Variants in CDC37 observed in about 807,000 individuals in gnomAD.
The protein encoded by CDC37 is cell division cycle 37, HSP90 cochaperone, also known as hsp90 co-chaperone Cdc37.
A neutral mutation model predicts 46.9 loss-of-function variants in CDC37; 9 were observed. The observed-to-expected ratio is 0.19, with a 90% CI of 0.12 to 0.33. The LOEUF is 0.33. Among genes scored for constraint, CDC37 ranks in the 10% least tolerant of loss-of-function variants. The probability of loss-of-function intolerance (pLI) is 1.00; values close to 1 mark genes in which losing one functional copy is unlikely to be tolerated. For missense variants in CDC37, 388 were observed against 514.6 expected, an observed-to-expected ratio of 0.75 and a Z score of 2.38; for synonymous variants, 193 against 191.0, an observed-to-expected ratio of 1.01 and a Z score of -0.09.
At chr19:10,395,722 C>T (rs28382784) in intron 2 of CDC37, 179 bp from the exon 3 acceptor site, 5 of 744,916 alleles carry the variant, frequency 6.7e-6, no homozygotes, top group South Asian at 1.7e-5. Flanking sequence ...AGGAGGGGAC[C>T]GGTGGGGTGT....
chr19:10,391,836 ACT>A, intron 7 of CDC37, 130 bp from the exon 8 acceptor site: 2 of 917,876 alleles, frequency 2.2e-6, no homozygotes, highest in South Asian at 1.7e-5. Flanking sequence ...ACGGAGTCTC[ACT>A]CTGTCACCCA....
At chr19:10,394,959 G>T in intron 5 of CDC37, 62 bp downstream of exon 5, 1 of 1,498,934 alleles carries the variant, frequency 6.7e-7, no homozygotes, top group South Asian at 1.4e-5. Flanking sequence ...CTTACCTAGA[G>T]CATTGTGGGC....
Position 10,391,688 on chromosome 19 carries a change from G to C in CDC37, c.1000C>G (p.Gln334Glu). Residue 334 changes from glutamine (Q) to glutamate (E), a missense_variant, in exon 8 of 8, where the codon CAG (glutamine) becomes GAG (glutamate). Physicochemically the swap from Gln to Glu is conservative, Grantham distance 29 (BLOSUM62 2). Around this residue, in one of 2 missense-constraint regions of CDC37, gnomAD observed 374 missense variants for 467.4 expected, o/e 0.80. Coordinates refer to ENST00000222005, the MANE Select transcript of CDC37 (RefSeq NM_007065.4). ...CAGAGGCCAGAGTCAATGCAGCGCT[G>C]CATGTGGTACTTTGCGTCCTGTGAG... ...MDPTDAKYHM[Q>E]RCIDSGLWVP... 1 of 1,613,656 alleles carries C rather than the reference G, an allele frequency of 6.2e-7. No individual in the cohort carries two copies. The highest frequency in any genetic ancestry group is 1.1e-5 in the South Asian group (1 of 91,066).
rs1387043273 is a variant in CDC37 at position 10,396,006 on chromosome 19, C to T, written c.300G>A (p.Gln100=). The change falls in exon 2 of 8, where the codon CAG becomes CAA. Residue 100 remains glutamine (Q), a synonymous_variant. Transcript: ENST00000222005. This position sits in a 1 kb window ranked among gnomAD's most constrained non-coding sequence, Gnocchi z 5.9. ...CCTTCTTGCGCATCTCCTCCAGCTT[C>T]TGCTCCCAGCTCCGCTCCTCCTTGC... is the stretch of plus-strand genomic sequence containing the variant. ...QLRKEERSWE[Q]KLEEMRKKEK... 6.2e-7 allele frequency: 1 copy of T among 1,612,528 alleles called. No homozygotes were observed. Among genetic ancestry groups the T allele is most frequent in the African/African-American group, 1.3e-5 (1 of 74,704 alleles).
intron 1 of CDC37, among the ~76,000 whole-genome samples, chr19:10,402,992 A>G (rs1486332202): frequency 2.0e-5 from 3 of 152,054 alleles, no homozygotes; most frequent in Non-Finnish European, 4.4e-5. Flanking sequence ...GGAAGTGAAT[A>G]CCCGAATAGG....
intron 1 of CDC37, among the ~76,000 whole-genome samples, chr19:10,402,763 G>A (rs1371842269): frequency 6.6e-6 from 1 of 152,152 alleles, no homozygotes; most frequent in African/African-American, 2.4e-5. Context: ...GGATCCTGAA[G>A]GGGGACGGTT....
chr19:10,395,851 C>A, intron 2 of CDC37, 77 bp downstream of exon 2: 2 of 1,507,340 alleles, frequency 1.3e-6, no homozygotes, highest in South Asian at 1.2e-5. Flanking sequence ...CCTGACCAGG[C>A]ATTGGGTGCG....
chr19:10,399,931 T>TAAAAAAAA (rs56162717), intron 1 of CDC37, among the ~76,000 whole-genome samples: 1 of 48,336 alleles, frequency 2.1e-5, no homozygotes, highest in Non-Finnish European at 3.8e-5. Flanking sequence ...GACTCCGTCT[T>TAAAAAAAA]AAAAAAAAAA....
chr19:10,393,506 G>A lies in CDC37; in HGVS notation c.727-65C>T. 6.7e-7 allele frequency: 1 copy of A among 1,501,360 alleles called. No homozygotes were observed. Among genetic ancestry groups the A allele is most frequent in the South Asian group, 1.3e-5 (1 of 78,192 alleles). 93.0% of individuals were successfully genotyped at this position (1,501,360 alleles called of 1,614,324 possible). On this transcript the variant is annotated intron_variant, in intron 5 of 7. Coordinates refer to ENST00000222005, the MANE Select transcript of CDC37 (RefSeq NM_007065.4). This position sits in a 1 kb window ranked among gnomAD's most constrained non-coding sequence, Gnocchi z 4.9. ...GCTCAGGAGGGACTGGGGGGCCCAG[G>A]ACCCTCCAGCCACAGCTCCTCAGAG...
intron 2 of CDC37, 151 bp downstream of exon 2, chr19:10,395,777 C>G: frequency 2.6e-6 from 1 of 389,758 alleles, no homozygotes; most frequent in Non-Finnish European, 4.8e-6. Context: ...CCCACGTGGC[C>G]CCCGTCCATC....
At chr19:10,400,781 G>C (rs2042514747) in intron 1 of CDC37, 1 of 151,904 alleles carries the variant, frequency 6.6e-6, no homozygotes, top group Non-Finnish European at 1.5e-5. Context: ...TTCTGCCTCA[G>C]TCTCCTGAGT....
chr19:10,391,224 C>A lies in CDC37; in HGVS notation c.*327G>T, dbSNP rs750053253. 62 of 380,554 alleles carry A rather than the reference C, an allele frequency of 1.6e-4. No individual in the cohort carries two copies. Among genetic ancestry groups the A allele is most frequent in the South Asian group, 9.5e-4 (35 of 36,834 alleles). The allele number at this position is 380,554 out of a possible 1,614,324, so 23.6% of individuals were successfully genotyped here. Reference sequence around the variant, plus strand: ...GAACAGTGAAAACAGAGCCCAGTGACGAGAGCCGGCCCCTTGGCTGGGGAC... The same window carrying A: ...GAACAGTGAAAACAGAGCCCAGTGAAGAGAGCCGGCCCCTTGGCTGGGGAC... On this transcript the variant is annotated 3_prime_UTR_variant, in exon 8 of 8. Transcript: ENST00000222005.
At chr19:10,394,086 T>C (rs2042474273) in intron 5 of CDC37, among the ~76,000 whole-genome samples, 1 of 151,408 alleles carries the variant, frequency 6.6e-6, no homozygotes, top group African/African-American at 2.4e-5. Context: ...TGAGACTCCA[T>C]CTCAAAAAAA....
At chr19:10,402,832 A>T (rs2042527016) in intron 1 of CDC37, among the ~76,000 whole-genome samples, 1 of 152,104 alleles carries the variant, frequency 6.6e-6, no homozygotes, top group African/African-American at 2.4e-5. Context: ...AGAGTAGCAC[A>T]GAGTTCCTTG....
rs1302729807 is a variant in CDC37 at position 10,396,019 on chromosome 19, C to T, written c.287G>A (p.Arg96Gln). 7 of 1,613,888 alleles carry T rather than the reference C, an allele frequency of 4.3e-6. No homozygotes were observed. Among genetic ancestry groups the T allele is most frequent in the African/African-American group, 2.7e-5 (2 of 74,910 alleles). The part of the protein sequence containing the change: ...AEAQQLRKEE[R>Q]SWEQKLEEMR... ...CTCCTCCAGCTTCTGCTCCCAGCTCCGCTCCTCCTTGCGCAGCTGCTGTGC... is the reference window on the plus strand; with the variant it reads ...CTCCTCCAGCTTCTGCTCCCAGCTCTGCTCCTCCTTGCGCAGCTGCTGTGC... The change falls in exon 2 of 8, where the codon CGG becomes CAG. Residue 96 changes from arginine (R) to glutamine (Q), a missense_variant. Coordinates refer to ENST00000222005, the MANE Select transcript of CDC37 (RefSeq NM_007065.4). The surrounding 1 kb of genome is among the most constrained non-coding windows in gnomAD (Gnocchi z 5.9).
rs1237116229 is a variant in CDC37, at chr19:10,393,527, C to T, written c.727-86G>A. ...CCAGGACCCTCCAGCCACAGCTCCT[C>T]AGAGGCGCCCCACGGTTCCCCAAGT... On this transcript the variant is annotated intron_variant, in intron 5 of 7. Transcript: ENST00000222005. The surrounding 1 kb of genome is among the most constrained non-coding windows in gnomAD (Gnocchi z 4.9). The T allele has an allele frequency of 1.5e-6, 2 of 1,373,900 alleles. No individual in the cohort carries two copies. The highest frequency in any genetic ancestry group is 2.0e-6 in the Non-Finnish European group (2 of 1,015,772). The allele number at this position is 1,373,900 out of a possible 1,614,324, so 85.1% of individuals were successfully genotyped here. A position where few individuals can be genotyped will look rare whatever the true frequency, so the allele number is the denominator to read the frequency against.
chr19:10,395,171 C>G, intron 4 of CDC37, 28 bp from the exon 5 acceptor site: 2 of 1,610,844 alleles, frequency 1.2e-6, no homozygotes, highest in South Asian at 1.1e-5. Flanking sequence ...CACAGCGTCA[C>G]CAAGTGGCGG....
chr19:10,395,461 T>C lies in CDC37; in HGVS notation c.461A>G (p.Lys154Arg). 1 of 1,614,114 alleles carries C rather than the reference T, an allele frequency of 6.2e-7. No homozygotes were observed. ...AAAGTGCTTGATCTGTTTCTCGTAT[T>C]TTTCCACGAAGGTCTTGTGTTTCTG... ...REQKHKTFVE[K>R]YEKQIKHFGM... is the part of the protein sequence containing the mutation. The change falls in exon 3 of 8, where the codon AAA becomes AGA. Residue 154 changes from lysine to arginine, a missense_variant. Physicochemically the swap from Lys to Arg is conservative, Grantham distance 26. Around this residue, in one of 2 missense-constraint regions of CDC37, gnomAD observed 374 missense variants for 467.4 expected, o/e 0.80. Coordinates refer to ENST00000222005, the MANE Select transcript of CDC37 (RefSeq NM_007065.4).
At position 10,396,132 on chromosome 19, in the gene CDC37, C is replaced by A. The variant is rs761331219; in HGVS notation, c.174G>T (p.Lys58Asn). 6.2e-7 allele frequency: 1 copy of A among 1,614,014 alleles called. No individual in the cohort carries two copies. Among genetic ancestry groups the A allele is most frequent in the Admixed American group, 1.7e-5 (1 of 59,998 alleles). ...TCCTCTGGCACTCGGCCACCTTGCG[C>A]TTGCACTCGCGGCAGCCCCTGTCCA... ...EELDRGCREC[K>N]RKVAECQRKL... The change falls in exon 2 of 8, where the codon AAG (lysine) becomes AAT (asparagine). Residue 58 changes from lysine to asparagine, a missense_variant. Around this residue, in one of 2 missense-constraint regions of CDC37, gnomAD observed 374 missense variants for 467.4 expected, o/e 0.80. Coordinates refer to ENST00000222005, the MANE Select transcript of CDC37 (RefSeq NM_007065.4). The surrounding 1 kb of genome is among the most constrained non-coding windows in gnomAD (Gnocchi z 5.9).
Sources: gnomAD v4.1 joint callset for allele counts (sites outside exome capture counted in the v4.1 genomes callset) on GRCh38, gnomAD v4.1.1 for gene constraint, gnomAD v4.1.1 regional missense constraint, Gnocchi (gnomAD v3.1) non-coding constraint, MANE v1.5 for transcripts, NCBI Gene and HGNC (gene_info 2026-07-23, HGNC 2026-07-21) for gene names.